Variants in TRIM66 observed in about 807,000 individuals in gnomAD.
TRIM66 encodes the protein tripartite motif-containing protein 66.
TRIM66 carries 99 observed loss-of-function variants against 148.2 expected under a neutral mutation model. The observed-to-expected ratio is 0.67, with a 90% CI of 0.57 to 0.79. TRIM66 has a LOEUF of 0.79. Ranked by LOEUF, TRIM66 falls within the 30% of genes least tolerant of loss-of-function variation. The pLI is 0.00. For missense variants in TRIM66, 1,666 were observed against 1,697.9 expected (o/e 0.98, Z 0.33); for synonymous variants, 616 against 635.9 (o/e 0.97, Z 0.47).
intron 6 of TRIM66, among the ~76,000 whole-genome samples, chr11:8,665,573 C>G (rs900031791): frequency 2.0e-5 from 3 of 152,166 alleles, no homozygotes; most frequent in Non-Finnish European, 2.9e-5. Flanking sequence ...CAGCCTGGTA[C>G]ACAGTAGTCA....
intron 3 of TRIM66, among the ~76,000 whole-genome samples, chr11:8,675,171 C>CA (rs2039117768): frequency 6.6e-6 from 1 of 152,160 alleles, no homozygotes; most frequent in Admixed American, 6.5e-5. Flanking sequence ...TACACAATAA[C>CA]AAAAAATCAC....
chr11:8,664,138 A>G (rs7118611), intron 6 of TRIM66, among the ~76,000 whole-genome samples: 1 of 152,040 alleles, frequency 6.6e-6, no homozygotes, highest in South Asian at 2.1e-4. Flanking sequence ...AAGTGTTCTC[A>G]CCACCAAAAT....
Position 8,620,109 on chromosome 11 carries a change from C to T in TRIM66, c.3688G>A (p.Val1230Ile), listed in dbSNP as rs1243900838. The change falls in exon 22 of 25, where the codon GTA (valine) becomes ATA (isoleucine). Residue 1230 changes from valine (V) to isoleucine (I), a missense_variant. This residue lies in a region of TRIM66 where 204 missense variants were observed against 231.0 expected (regional missense o/e 0.88). Coordinates refer to ENST00000646038, the MANE Select transcript of TRIM66 (RefSeq NM_001388022.1). Reference protein sequence around the residue: ...MYDQKKCEKLVLSLCCNNLSL... With the variant: ...MYDQKKCEKLILSLCCNNLSL... ...AGGTTATTGCAGCACAAGGACAATA[C>T]CAGCTTCTCACACTTCTGCAAAATC... The T allele has an allele frequency of 1.3e-6, 2 of 1,551,694 alleles. No homozygotes were observed. Among genetic ancestry groups the T allele is most frequent in the Non-Finnish European group, 1.7e-6 (2 of 1,146,980 alleles).
At chr11:8,622,785 G>GT in intron 18 of TRIM66, 31 bp downstream of exon 18, 1 of 1,544,426 alleles carries the variant, frequency 6.5e-7, no homozygotes, top group Non-Finnish European at 8.8e-7. Flanking sequence ...GAAGTCATGG[G>GT]TGGGAGGGAG....
At chr11:8,664,588 T>C (rs2038472149) in intron 6 of TRIM66, among the ~76,000 whole-genome samples, 1 of 152,212 alleles carries the variant, frequency 6.6e-6, no homozygotes, top group Non-Finnish European at 1.5e-5. Flanking sequence ...CTGTACAGTG[T>C]CTGCCAACCA....
chr11:8,623,575 A>G (rs1277144348), intron 17 of TRIM66, among the ~76,000 whole-genome samples: 2 of 152,234 alleles, frequency 1.3e-5, no homozygotes, highest in Non-Finnish European at 2.9e-5. Flanking sequence ...TTTATTACAC[A>G]TATAGGAAAC....
chr11:8,671,811 G>T lies in TRIM66; in HGVS notation c.315C>A (p.Ala105=). 6.7e-7 allele frequency: 1 copy of T among 1,482,226 alleles called. No homozygotes were observed. The highest frequency in any genetic ancestry group is 9.1e-7 in the Non-Finnish European group (1 of 1,097,688). The allele number at this position is 1,482,226 out of a possible 1,614,324, so 91.8% of individuals were successfully genotyped here. Residue 105 remains alanine, a synonymous_variant, in exon 6 of 25, where the codon GCC becomes GCA. Coordinates refer to ENST00000646038, the MANE Select transcript of TRIM66 (RefSeq NM_001388022.1). ...CATCTGCAACAGTCTCATGAGCCTT[G>T]GCAATCTGCCCTAGCTCCTGTATCA... The part of the protein sequence containing the change: ...QGLIQELGQI[A]KAHETVADEL...
At chr11:8,648,129 T>C (rs923089349) in intron 9 of TRIM66, 43 bp from the exon 10 acceptor site, 6 of 1,492,156 alleles carry the variant, frequency 4.0e-6, no homozygotes, top group Admixed American at 2.0e-5. Flanking sequence ...GGCTGAGTCC[T>C]ACTTTGAGCA....
Position 8,624,922 on chromosome 11 carries a change from G to T in TRIM66, c.2617C>A (p.Leu873Met). The T allele has an allele frequency of 6.4e-7, 1 of 1,551,692 alleles. No individual in the cohort carries two copies. Among genetic ancestry groups the T allele is most frequent in the South Asian group, 1.2e-5 (1 of 84,038 alleles). Residue 873 changes from leucine (L) to methionine (M), a missense_variant, in exon 16 of 25, where the codon CTG becomes ATG. By Grantham distance (15) the Leu-to-Met change is conservative. Around this residue, in one of 3 missense-constraint regions of TRIM66, gnomAD observed 1,431 missense variants for 1,412.4 expected, o/e 1.01. Transcript: ENST00000646038. ...ISDSPQAMAS[L>M]ASDHPQAGPS... ...CCAGCCTGAGGGTGATCACTTGCCA[G>T]GCTTGCCATAGCCTGAGGGGAGTCA... is the stretch of plus-strand genomic sequence containing the variant.
intron 6 of TRIM66, among the ~76,000 whole-genome samples, chr11:8,656,509 C>T (rs768032691): frequency 1.8e-4 from 27 of 152,264 alleles, no homozygotes; most frequent in Admixed American, 6.5e-4. Context: ...CAGAGGTGTT[C>T]CTGAGAACTT....
intron 17 of TRIM66, 73 bp downstream of exon 17, chr11:8,624,286 T>TC: frequency 6.7e-7 from 1 of 1,490,074 alleles, no homozygotes; most frequent in East Asian, 2.5e-5. Context: ...TGCTGGCCTC[T>TC]CTTACCTAGA....
Position 8,613,833 on chromosome 11 carries a change from G to C in TRIM66, c.*4111C>G, listed in dbSNP as rs1257098723. 1.3e-5 allele frequency: 2 copies of C among 152,132 alleles called. No homozygotes were observed. Among genetic ancestry groups the C allele is most frequent in the Non-Finnish European group, 2.9e-5 (2 of 68,046 alleles). 9.4% of individuals were successfully genotyped at this position (152,132 alleles called of 1,614,324 possible). ...TTTAGGGGCTGTCTTCTGTGAAGTA[G>C]ACAGTGAGCTCAGTCATTTGTGGAG... On this transcript the variant is annotated 3_prime_UTR_variant, in exon 25 of 25. Transcript: ENST00000646038.
At position 8,627,709 on chromosome 11, in the gene TRIM66, T is replaced by C. The variant is rs571222460; in HGVS notation, c.2311-2481A>G. On this transcript the variant is annotated intron_variant, in intron 15 of 24. Transcript: ENST00000646038. ...TTCTCTTTATTGTTTGTGTACTGTA[T>C]ATAGAAATACAATTGATTTTTGAAT... 3.8e-4 allele frequency among the ~76,000 whole-genome samples: 58 copies of C among 152,382 alleles called. 1 individual carries two copies. In the South Asian group the frequency reaches 0.011, roughly 30 times the overall value.
At position 8,612,136 on chromosome 11, in the gene TRIM66, C is replaced by T. The variant is rs1204782125; in HGVS notation, c.*5808G>A. 1 of 152,180 alleles carries T rather than the reference C, an allele frequency of 6.6e-6. No individual in the cohort carries two copies. Among genetic ancestry groups the T allele is most frequent in the East Asian group, 1.9e-4 (1 of 5,192 alleles). 9.4% of individuals were successfully genotyped at this position (152,180 alleles called of 1,614,324 possible). ...CTTTAAAATATCCTCCCTCATGCCC[C>T]AACCGCTTAGAATCCAATAGCCACT... is the stretch of plus-strand genomic sequence containing the variant. On this transcript the variant is annotated 3_prime_UTR_variant, in exon 25 of 25. Coordinates refer to ENST00000646038, the MANE Select transcript of TRIM66 (RefSeq NM_001388022.1).
At chr11:8,656,456 A>C (rs934524743) in intron 6 of TRIM66, among the ~76,000 whole-genome samples, 3 of 152,214 alleles carry the variant, frequency 2.0e-5, no homozygotes, top group African/African-American at 7.2e-5. Flanking sequence ...TATCCTCAGG[A>C]GATGTGGGGC....
chr11:8,659,414 G>A (rs1339094049), intron 6 of TRIM66, among the ~76,000 whole-genome samples: 1 of 152,122 alleles, frequency 6.6e-6, no homozygotes, highest in Non-Finnish European at 1.5e-5. Context: ...AGAACTGACA[G>A]GACACAAGCA....
chr11:8,635,175 C>T (rs1353971265), intron 15 of TRIM66, among the ~76,000 whole-genome samples: 5 of 152,144 alleles, frequency 3.3e-5, no homozygotes, highest in South Asian at 4.1e-4. Flanking sequence ...GTCAAGGACC[C>T]GTGGTCTGGT....
rs919488275 is a variant in TRIM66, at chr11:8,638,538, G to A, written c.2310+116C>T. ...AAGGCATGAATCAGGGCTGTGTAGC[G>A]TCCAGGGATGGAACAGGGACGCTCC... On this transcript the variant is annotated intron_variant, in intron 15 of 24. Coordinates refer to ENST00000646038, the MANE Select transcript of TRIM66 (RefSeq NM_001388022.1). 4.7e-5 allele frequency: 55 copies of A among 1,173,874 alleles called. 1 individual carries two copies. Among genetic ancestry groups the A allele is most frequent in the Middle Eastern group, 4.0e-4 (2 of 4,962 alleles). 72.7% of individuals were successfully genotyped at this position (1,173,874 alleles called of 1,614,324 possible).
intron 15 of TRIM66, among the ~76,000 whole-genome samples, chr11:8,625,571 C>A (rs1794868964): frequency 7.5e-6 from 1 of 132,978 alleles, no homozygotes; most frequent in South Asian, 2.4e-4. Context: ...CACACAGACA[C>A]ACACACACAC....
Sources: gnomAD v4.1 joint callset for allele counts (sites outside exome capture counted in the v4.1 genomes callset) on GRCh38, gnomAD v4.1.1 for gene constraint, gnomAD v4.1.1 regional missense constraint, MANE v1.5 for transcripts, NCBI Gene and HGNC (gene_info 2026-07-23, HGNC 2026-07-21) for gene names.